CLCN7: variants seen among roughly 807,000 people sequenced by gnomAD.
The protein encoded by CLCN7 is H(+)/Cl(-) exchange transporter 7.
A neutral mutation model predicts 102.1 loss-of-function variants in CLCN7; 60 were observed. The ratio of observed to expected loss-of-function variants is 0.59; its 90% confidence interval spans 0.48 to 0.73. The LOEUF (loss-of-function observed/expected upper bound fraction) is 0.73. Among genes scored for constraint, CLCN7 ranks in the 30% least tolerant of loss-of-function variants. The probability of loss-of-function intolerance (pLI) is 0.00; values close to 1 mark genes in which losing one functional copy is unlikely to be tolerated. For synonymous variants in CLCN7, 560 were observed against 490.5 expected, an observed-to-expected ratio of 1.14 and a Z score of -1.87; for missense variants, 962 against 1,125.7, an observed-to-expected ratio of 0.85 and a Z score of 2.08.
intron 1 of CLCN7, chr16:1,471,771 T>A (rs1023363187): frequency 6.6e-6 from 1 of 152,266 alleles, no homozygotes; most frequent in African/African-American, 2.4e-5. Flanking sequence ...CACAAACGCC[T>A]GGCCTAAGAG....
intron 1 of CLCN7, among the ~76,000 whole-genome samples, chr16:1,473,451 G>GTA (rs1278543108): frequency 7.7e-6 from 1 of 129,276 alleles, no homozygotes; most frequent in Non-Finnish European, 1.5e-5. Flanking sequence ...TCCGCTCACT[G>GTA]TAAGCTCCGC....
At position 1,447,709 on chromosome 16, in the gene CLCN7, G is replaced by T; in HGVS notation, c.2019C>A (p.Ala673=). 6.4e-7 allele frequency: 1 copy of T among 1,553,514 alleles called. No individual in the cohort carries two copies. The highest frequency in any genetic ancestry group is 8.7e-7 in the Non-Finnish European group (1 of 1,148,914). Residue 673 remains alanine (A), a synonymous_variant, in exon 22 of 25, where the codon GCC becomes GCA. Coordinates refer to ENST00000382745, the MANE Select transcript of CLCN7 (RefSeq NM_001287.6). ...AGCGCAGGATCAGGCCCTGGAGCCGGGCAGGCTGCAAGACAGGCCCGCGGT... is the reference window on the plus strand; with the variant it reads ...AGCGCAGGATCAGGCCCTGGAGCCGTGCAGGCTGCAAGACAGGCCCGCGGT... ...VVEHADDTQP[A]RLQGLILRSQ...
intron 15 of CLCN7, 132 bp downstream of exon 15, chr16:1,452,622 GA>G: frequency 1.0e-6 from 1 of 953,404 alleles, no homozygotes; most frequent in South Asian, 1.6e-5. Context: ...AACCCTCTTT[GA>G]GACACGCCAG....
intron 1 of CLCN7, 54 bp downstream of exon 1, chr16:1,474,780 G>GT: frequency 8.1e-6 from 10 of 1,232,004 alleles, no homozygotes; most frequent in Non-Finnish European, 1.0e-5. Flanking sequence ...GAGGGCGCGG[G>GT]CTGCGGGGCG....
intron 4 of CLCN7, 103 bp downstream of exon 4, chr16:1,461,295 AGGAGGAG>A: frequency 2.1e-6 from 2 of 945,826 alleles, no homozygotes; most frequent in South Asian, 1.4e-5. Context: ...GCGGAGTCAG[AGGAGGAG>A]GGAGGAGGTG....
intron 2 of CLCN7, among the ~76,000 whole-genome samples, chr16:1,464,597 C>A (rs1166143776): frequency 6.6e-6 from 1 of 152,244 alleles, no homozygotes; most frequent in Non-Finnish European, 1.5e-5. Flanking sequence ...GAAGAGCACC[C>A]GGACAGGTGG....
At position 1,455,731 on chromosome 16, in the gene CLCN7, G is replaced by C. The variant is rs776917548; in HGVS notation, c.981C>G (p.Ile327Met). 1.9e-6 allele frequency: 3 copies of C among 1,613,748 alleles called. No individual in the cohort carries two copies. Among genetic ancestry groups the C allele is most frequent in the African/African-American group, 1.3e-5 (1 of 75,040 alleles). Residue 327 changes from isoleucine to methionine, a missense_variant and splice_region_variant, in exon 11 of 25, where the codon ATC becomes ATG. Transcript: ENST00000382745. ...GAGGCAGCCATCAGCAGGAACTTAC[G>C]ATCCTCCAGGTCAGGAACTGGTTCC... is the stretch of plus-strand genomic sequence containing the variant. ...SFWNQFLTWR[I>M]FFASMISTFT...
chr16:1,446,965 G>A, intron 24 of CLCN7, 41 bp downstream of exon 24: 3 of 1,508,606 alleles, frequency 2.0e-6, no homozygotes, highest in Non-Finnish European at 2.7e-6. Context: ...GCAGAGGGGA[G>A]CCCTGCACGG....
rs138420901 is a variant in CLCN7 at position 1,448,978 on chromosome 16, G to A, written c.1785C>T (p.Asp595=). Residue 595 remains aspartate (D), a synonymous_variant, in exon 19 of 25, where the codon GAC becomes GAT. Transcript: ENST00000382745. ...GGCCCTGGCGCACCTCAATGAAGAC[G>A]TCGCCCACGATCTTGGCGGTCATGA... ...LVLMTAKIVG[D]VFIEGLYDMH... The A allele has an allele frequency of 3.6e-5, 58 of 1,612,520 alleles. 1 individual carries two copies. The East Asian group carries it at 4.0e-4, about 11-fold the overall frequency.
chr16:1,460,594 C>A, intron 5 of CLCN7, 67 bp from the exon 6 acceptor site: 1 of 1,373,988 alleles, frequency 7.3e-7, no homozygotes, highest in South Asian at 1.2e-5. Context: ...CTCAGCCCTG[C>A]CCCACAGACC....
At chr16:1,461,542 G>A (rs1468611385) in intron 3 of CLCN7, 61 bp downstream of exon 3, 5 of 1,608,608 alleles carry the variant, frequency 3.1e-6, no homozygotes, top group Non-Finnish European at 3.4e-6. Flanking sequence ...AGGGGACCGG[G>A]AGTGGGCTGG....
chr16:1,458,485 C>A (rs546970867), intron 7 of CLCN7, among the ~76,000 whole-genome samples: 4 of 151,426 alleles, frequency 2.6e-5, no homozygotes, highest in Non-Finnish European at 5.9e-5. Flanking sequence ...GGCAGGGGCA[C>A]CCCAAGGTCA....
chr16:1,463,650 T>C (rs925514100), intron 2 of CLCN7, among the ~76,000 whole-genome samples: 3 of 152,106 alleles, frequency 2.0e-5, no homozygotes, highest in African/African-American at 7.2e-5. Context: ...ATTTTCGTTT[T>C]TGTTTTTGTT....
At chr16:1,450,948 G>T (rs762604741) in intron 16 of CLCN7, among the ~76,000 whole-genome samples, 15 of 152,246 alleles carry the variant, frequency 9.9e-5, no homozygotes, top group Admixed American at 2.6e-4. Context: ...GCTGGGTCTA[G>T]CAGCGCCAGG....
chr16:1,455,040 T>C (rs2038812250), intron 12 of CLCN7, 94 bp downstream of exon 12: 1 of 822,930 alleles, frequency 1.2e-6, no homozygotes, highest in Non-Finnish European at 2.2e-6. Flanking sequence ...CAACCAGAGT[T>C]TTCTAAAGGA....
At chr16:1,454,039 C>T in intron 13 of CLCN7, 145 bp from the exon 14 acceptor site, 1 of 772,416 alleles carries the variant, frequency 1.3e-6, no homozygotes, top group Non-Finnish European at 2.2e-6. Context: ...AAGATGCTTC[C>T]TCCACATCAT....
chr16:1,460,026 G>A (rs977930441), intron 6 of CLCN7, among the ~76,000 whole-genome samples: 3 of 150,694 alleles, frequency 2.0e-5, no homozygotes, highest in African/African-American at 7.3e-5. Context: ...CAGCACACAC[G>A]TTGGGGCCCC....
intron 11 of CLCN7, 52 bp downstream of exon 11, chr16:1,455,679 T>C (rs1163267206): frequency 6.3e-7 from 1 of 1,585,540 alleles, no homozygotes. Context: ...TGGTGGGAAA[T>C]GAGAGCGCAG....
rs928945148 is a variant in CLCN7 at position 1,461,859 on chromosome 16, T to C, written c.214-185A>G. ...CAGCACTTTGGGAGGCCGAGGCAAG[T>C]GGACCAGCTGCGGTCAGGAGTTCGA... On this transcript the variant is annotated intron_variant, in intron 2 of 24. Transcript: ENST00000382745. Among the ~76,000 whole-genome samples, 5 of 151,152 alleles carry C rather than the reference T, an allele frequency of 3.3e-5. 1 individual carries two copies. Among genetic ancestry groups the C allele is most frequent in the South Asian group, 2.1e-4 (1 of 4,764 alleles).
Sources: gnomAD v4.1 joint callset for allele counts (sites outside exome capture counted in the v4.1 genomes callset) on GRCh38, gnomAD v4.1.1 for gene constraint, MANE v1.5 for transcripts, NCBI Gene and HGNC (gene_info 2026-07-23, HGNC 2026-07-21) for gene names.